Variants in TMEM255B observed in about 807,000 individuals in gnomAD.
TMEM255B encodes the protein transmembrane protein 255B.
TMEM255B carries 35 observed loss-of-function variants against 34.5 expected under a neutral mutation model. The observed-to-expected ratio is 1.01, with a 90% CI of 0.77 to 1.34. The LOEUF (loss-of-function observed/expected upper bound fraction) is 1.34, where lower values mean the gene tolerates loss of function less well. Ranked by LOEUF, TMEM255B falls within the 40% of genes most tolerant of loss-of-function variation. TMEM255B has a pLI of 0.00. For synonymous variants in TMEM255B, 206 were observed against 201.2 expected, an observed-to-expected ratio of 1.02 and a Z score of -0.20; for missense variants, 432 against 433.2, an observed-to-expected ratio of 1.00 and a Z score of 0.02.
At chr13:113,798,449 C>T (rs901064834) in intron 4 of TMEM255B, among the ~76,000 whole-genome samples, 2 of 128,706 alleles carry the variant, frequency 1.6e-5, no homozygotes, top group East Asian at 2.5e-4. Flanking sequence ...GTGGATGAAT[C>T]GAAGGATGGA....
intron 7 of TMEM255B, among the ~76,000 whole-genome samples, chr13:113,804,653 G>T (rs1291025419): frequency 7.6e-5 from 11 of 143,984 alleles, no homozygotes; most frequent in African/African-American, 2.6e-4. Flanking sequence ...CCGGGCCGGG[G>T]TTAGCTCCAG....
At chr13:113,779,761 G>A (rs146057201) in intron 3 of TMEM255B, among the ~76,000 whole-genome samples, 40 of 152,304 alleles carry the variant, frequency 2.6e-4, no homozygotes, top group Non-Finnish European at 4.9e-4. Context: ...CATTATTTTG[G>A]AGACTCGTAG....
At chr13:113,802,417 C>T (rs1405933937) in intron 7 of TMEM255B, among the ~76,000 whole-genome samples, 1 of 152,194 alleles carries the variant, frequency 6.6e-6, no homozygotes, top group Non-Finnish European at 1.5e-5. Context: ...GCCAGCAAAC[C>T]CCGCCCCCTG....
intron 1 of TMEM255B, among the ~76,000 whole-genome samples, chr13:113,762,487 T>G (rs966705209): frequency 3.9e-5 from 6 of 152,202 alleles, no homozygotes; most frequent in Non-Finnish European, 7.3e-5. Flanking sequence ...TACCTTCTGC[T>G]TTTTATTTTG....
At chr13:113,788,959 A>G (rs1370086300) in intron 3 of TMEM255B, among the ~76,000 whole-genome samples, 5 of 151,192 alleles carry the variant, frequency 3.3e-5, no homozygotes, top group African/African-American at 1.2e-4. Flanking sequence ...TGCTCCTTAG[A>G]CCCACATGCC....
intron 7 of TMEM255B, among the ~76,000 whole-genome samples, chr13:113,802,868 C>G (rs1348553011): frequency 6.7e-6 from 1 of 148,206 alleles, no homozygotes; most frequent in Non-Finnish European, 1.5e-5. Context: ...CAGGCACCTC[C>G]CAGGGGTCCT....
chr13:113,777,873 T>C (rs1316145823), intron 3 of TMEM255B, among the ~76,000 whole-genome samples: 1 of 152,194 alleles, frequency 6.6e-6, no homozygotes, highest in African/African-American at 2.4e-5. Context: ...TGGCTGACCC[T>C]GTCATTCACC....
At chr13:113,763,498 G>T in intron 1 of TMEM255B, among the ~76,000 whole-genome samples, 1 of 152,210 alleles carries the variant, frequency 6.6e-6, no homozygotes, top group African/African-American at 2.4e-5. Flanking sequence ...GCAAACGACC[G>T]TGAACATATA....
Position 113,801,698 on chromosome 13 carries a change from C to T in TMEM255B, c.555C>T (p.Gly185=). The change falls in exon 7 of 9, where the codon GGC becomes GGT. Residue 185 remains glycine, a synonymous_variant. Coordinates refer to ENST00000375353, the MANE Select transcript of TMEM255B (RefSeq NM_182614.4). ...PAYYEFIGVS[G]CQDVLHLYRL... ...ACTATGAGTTCATCGGCGTCAGCGGCTGCCAGGACGTGCTGCACCTGTACC... is the reference window on the plus strand; with the variant it reads ...ACTATGAGTTCATCGGCGTCAGCGGTTGCCAGGACGTGCTGCACCTGTACC... The T allele has an allele frequency of 6.2e-7, 1 of 1,611,914 alleles. No individual in the cohort carries two copies. Among genetic ancestry groups the T allele is most frequent in the Non-Finnish European group, 8.5e-7 (1 of 1,179,318 alleles).
intron 1 of TMEM255B, 111 bp from the exon 2 acceptor site, chr13:113,766,004 G>T: frequency 2.1e-6 from 3 of 1,438,568 alleles, no homozygotes. Context: ...GGCAGGCGGG[G>T]ATAGTGCATC....
chr13:113,768,024 G>A (rs1279193619), intron 2 of TMEM255B: 3 of 354,634 alleles, frequency 8.5e-6, no homozygotes, highest in African/African-American at 6.4e-5. Flanking sequence ...TATCACCACA[G>A]ACACACAGAC....
chr13:113,816,207 G>C lies in TMEM255B; in HGVS notation c.*4304G>C, dbSNP rs374059567. On this transcript the variant is annotated 3_prime_UTR_variant, in exon 9 of 9. Transcript: ENST00000375353. ...GCAAGCGTGTTTGCAGCGTGTTCTG[G>C]ATGGGGAGAGGTGCAGTCACTGGTC... 1.8e-5 allele frequency: 2 copies of C among 111,916 alleles called. No homozygotes were observed. Among genetic ancestry groups the C allele is most frequent in the Non-Finnish European group, 3.6e-5 (2 of 55,878 alleles). The allele number at this position is 111,916 out of a possible 1,614,324, so 6.9% of individuals were successfully genotyped here.
intron 3 of TMEM255B, among the ~76,000 whole-genome samples, chr13:113,772,175 A>G (rs1342246142): frequency 2.0e-5 from 3 of 151,956 alleles, no homozygotes; most frequent in Non-Finnish European, 4.4e-5. Context: ...TCCTTTGCTC[A>G]TTTTTACATT....
At position 113,800,811 on chromosome 13, in the gene TMEM255B, G is replaced by A. The variant is rs1008588750; in HGVS notation, c.424-16G>A. 2.5e-6 allele frequency: 4 copies of A among 1,597,388 alleles called. No homozygotes were observed. Among genetic ancestry groups the A allele is most frequent in the Non-Finnish European group, 3.4e-6 (4 of 1,172,364 alleles). ...TGGGCACCGGCATGTGACCTGACAA[G>A]GCCTCTCTGCCCCAGGTCACCTGTC... On this transcript the variant is annotated splice_polypyrimidine_tract_variant and intron_variant, in intron 5 of 8. Coordinates refer to ENST00000375353, the MANE Select transcript of TMEM255B (RefSeq NM_182614.4).
At position 113,799,836 on chromosome 13, in the gene TMEM255B, G is replaced by A. The variant is rs1229801443; in HGVS notation, c.423+417G>A. The stretch of plus-strand genomic sequence containing the variant: ...TTTCCAGGTGAGTGAGATGCGGGGA[G>A]TAATGACCCGCGGGCGGCCGCCGCC... On this transcript the variant is annotated intron_variant, in intron 5 of 8. Transcript: ENST00000375353. 6 of 653,020 alleles carry A rather than the reference G, an allele frequency of 9.2e-6. No individual in the cohort carries two copies. In the African/African-American group the frequency reaches 1.1e-4, roughly 12 times the overall value. 40.5% of individuals were successfully genotyped at this position (653,020 alleles called of 1,614,324 possible).
chr13:113,759,538 G>GTC (rs1010114203), intron 1 of TMEM255B, among the ~76,000 whole-genome samples: 6 of 145,812 alleles, frequency 4.1e-5, no homozygotes, highest in Admixed American at 6.7e-5. Flanking sequence ...CTCTCTCCCT[G>GTC]TCTCTCTCTC....
Position 113,769,278 on chromosome 13 carries a change from C to A in TMEM255B, c.252+118C>A. On this transcript the variant is annotated intron_variant, in intron 3 of 8. Transcript: ENST00000375353. The surrounding 1 kb of genome is among the most constrained non-coding windows in gnomAD (Gnocchi z 4.2). Reference sequence around the variant, plus strand: ...CCCCAGCACACTGGTGTCTACAGGACCAGCTCTGAGGTTCCCGGGCTGTGG... The same window carrying A: ...CCCCAGCACACTGGTGTCTACAGGAACAGCTCTGAGGTTCCCGGGCTGTGG... The A allele has an allele frequency of 8.6e-7, 1 of 1,164,918 alleles. No homozygotes were observed. Among genetic ancestry groups the A allele is most frequent in the Non-Finnish European group, 1.3e-6 (1 of 786,274 alleles). 72.2% of individuals were successfully genotyped at this position (1,164,918 alleles called of 1,614,324 possible). A position where few individuals can be genotyped will look rare whatever the true frequency, so the allele number is the denominator to read the frequency against.
intron 4 of TMEM255B, among the ~76,000 whole-genome samples, chr13:113,797,701 T>G (rs2050967037): frequency 6.6e-6 from 1 of 152,208 alleles, no homozygotes; most frequent in Non-Finnish European, 1.5e-5. Context: ...GACCGATGAG[T>G]GATTCTCATT....
intron 5 of TMEM255B, among the ~76,000 whole-genome samples, chr13:113,800,515 C>T (rs1035821380): frequency 2.6e-5 from 4 of 152,116 alleles, no homozygotes; most frequent in African/African-American, 9.7e-5. Context: ...GCCTCCTGGG[C>T]TCTGTCCTTC....
Sources: allele counts gnomAD v4.1 joint callset (sites outside exome capture counted in the v4.1 genomes callset), GRCh38; gene constraint gnomAD v4.1.1; non-coding constraint Gnocchi (gnomAD v3.1); transcripts MANE v1.5; gene names NCBI Gene and HGNC (gene_info 2026-07-23, HGNC 2026-07-21).